The following HSF4 variants were observed in gnomAD, a reference collection of about 807,000 sequenced individuals.
HSF4 encodes heat shock transcription factor 4.
A neutral mutation model predicts 52.0 loss-of-function variants in HSF4; 41 were observed. That is an observed-to-expected ratio of 0.79 (90% CI 0.61 to 1.02). The LOEUF (loss-of-function observed/expected upper bound fraction) is 1.02. HSF4 is among the 50% of genes least tolerant of loss of function. HSF4 has a pLI of 0.00. For missense variants in HSF4, 610 were observed against 651.1 expected (o/e 0.94, Z 0.69); for synonymous variants, 285 against 273.0 (o/e 1.04, Z -0.43).
Position 67,165,429 on chromosome 16 carries a change from GT to G in HSF4, c.124-92del. 1 of 1,155,228 alleles carries G rather than the reference GT, an allele frequency of 8.7e-7. No individual in the cohort carries two copies. Among genetic ancestry groups the G allele is most frequent in the Non-Finnish European group, 1.3e-6 (1 of 767,128 alleles). 71.6% of individuals were successfully genotyped at this position (1,155,228 alleles called of 1,614,324 possible). Reference sequence around the variant, plus strand: ...TGGACCCAAGAGTGAGCATGAGTGTGTGCGCGCGCTGGAGCGCAGGACTGGC... The same window carrying G: ...TGGACCCAAGAGTGAGCATGAGTGTGGCGCGCGCTGGAGCGCAGGACTGGC... On this transcript the variant is annotated intron_variant, in intron 1 of 12. Coordinates refer to ENST00000521374, the MANE Select transcript of HSF4 (RefSeq NM_001374675.1). This position sits in a 1 kb window ranked among gnomAD's most constrained non-coding sequence, Gnocchi z 6.9.
In HSF4 at chr16:67,167,152, C is replaced by T; in HGVS notation, c.659C>T (p.Pro220Leu). 1 of 1,614,194 alleles carries T rather than the reference C, an allele frequency of 6.2e-7. No individual in the cohort carries two copies. The highest frequency in any genetic ancestry group is 8.5e-7 in the Non-Finnish European group (1 of 1,180,012). ...ATGCTGGATGAGGGGAGCTCATGCCCAACACCTGCCAAGTTCAACACCTGC... is the reference window on the plus strand; with the variant it reads ...ATGCTGGATGAGGGGAGCTCATGCCTAACACCTGCCAAGTTCAACACCTGC... ...SLMLDEGSSC[P>L]TPAKFNTCPL... The change falls in exon 7 of 13, where the codon CCA (proline) becomes CTA (leucine). Residue 220 changes from proline to leucine, a missense_variant. Transcript: ENST00000521374.
chr16:67,165,501 G>A lies in HSF4; in HGVS notation c.124-21G>A. The A allele has an allele frequency of 6.2e-7, 1 of 1,606,044 alleles. No homozygotes were observed. Among genetic ancestry groups the A allele is most frequent in the South Asian group, 1.1e-5 (1 of 90,964 alleles). ...CCTCCTGGTCTCCGCCCGCACGGTG[G>A]GCGGGCGGCGTTCTTGGTAGAGCGG... On this transcript the variant is annotated intron_variant, in intron 1 of 12. Coordinates refer to ENST00000521374, the MANE Select transcript of HSF4 (RefSeq NM_001374675.1). This position sits in a 1 kb window ranked among gnomAD's most constrained non-coding sequence, Gnocchi z 6.9.
rs1373517649 is a variant in HSF4 at position 67,169,613 on chromosome 16, C to A, written c.1325-18C>A. ...GGGGGAACATTTCCCCTGGTGAGCG[C>A]AGTCCCACTTCTCCTAGGGAAGGAC... On this transcript the variant is annotated intron_variant, in intron 12 of 12. Transcript: ENST00000521374. This position sits in a 1 kb window ranked among gnomAD's most constrained non-coding sequence, Gnocchi z 4.3. The A allele has an allele frequency of 3.7e-6, 6 of 1,604,174 alleles. No individual in the cohort carries two copies. The highest frequency in any genetic ancestry group is 5.1e-6 in the Non-Finnish European group (6 of 1,179,914).
Position 67,164,787 on chromosome 16 carries a change from C to A in HSF4, c.-25C>A. On this transcript the variant is annotated 5_prime_UTR_variant, in exon 1 of 13. Coordinates refer to ENST00000521374, the MANE Select transcript of HSF4 (RefSeq NM_001374675.1). Reference sequence around the variant, plus strand: ...CGAGCCCGCAGCGGCCGGGCCCGAGCGCAGAGCCGGGCCGAGACTGCACCA... The same window carrying A: ...CGAGCCCGCAGCGGCCGGGCCCGAGAGCAGAGCCGGGCCGAGACTGCACCA... The A allele has an allele frequency of 6.3e-7, 1 of 1,580,034 alleles. No homozygotes were observed. The highest frequency in any genetic ancestry group is 1.1e-5 in the South Asian group (1 of 88,846).
In HSF4 at chr16:67,169,489, C is replaced by G. The variant is rs2031587947; in HGVS notation, c.1324+141C>G. On this transcript the variant is annotated intron_variant, in intron 12 of 12. Coordinates refer to ENST00000521374, the MANE Select transcript of HSF4 (RefSeq NM_001374675.1). This position sits in a 1 kb window ranked among gnomAD's most constrained non-coding sequence, Gnocchi z 4.3. ...CAGAGCGTTCCTTGAGCCACCCATG[C>G]CCTCACCATTGGGCGAGAGTGGGGA... The G allele has an allele frequency of 6.3e-7, 1 of 1,578,476 alleles. No individual in the cohort carries two copies. Among genetic ancestry groups the G allele is most frequent in the African/African-American group, 1.3e-5 (1 of 74,228 alleles).
chr16:67,165,287 A>C lies in HSF4; in HGVS notation c.124-235A>C. 1.7e-6 allele frequency: 1 copy of C among 599,908 alleles called. No individual in the cohort carries two copies. Among genetic ancestry groups the C allele is most frequent in the Non-Finnish European group, 3.0e-6 (1 of 337,330 alleles). The allele number at this position is 599,908 out of a possible 1,614,324, so 37.2% of individuals were successfully genotyped here. A position where few individuals can be genotyped will look rare whatever the true frequency, so the allele number is the denominator to read the frequency against. On this transcript the variant is annotated intron_variant, in intron 1 of 12. Transcript: ENST00000521374. The surrounding 1 kb of genome is among the most constrained non-coding windows in gnomAD (Gnocchi z 6.9). Reference sequence around the variant, plus strand: ...ACCCCGTCAGCCTCTCCTTTCTGAGAACTGAGTATGGAGTCAGGGTCTGGC... The same window carrying C: ...ACCCCGTCAGCCTCTCCTTTCTGAGCACTGAGTATGGAGTCAGGGTCTGGC...
rs1399341716 is a variant in HSF4 at position 67,166,108 on chromosome 16, G to GCCC, written c.485+38_485+39insCCC. On this transcript the variant is annotated intron_variant, in intron 4 of 12. Transcript: ENST00000521374. ...GCGGGGAAAGAGGGGACAGGGGTGG[G>GCCC]GGGTTCGGGATGAGACCATAACTGG... The GCCC allele has an allele frequency of 1.2e-4, 185 of 1,496,484 alleles. 4 individuals carry two copies. The Admixed American group carries it at 3.6e-3, about 29-fold the overall frequency. The allele number at this position is 1,496,484 out of a possible 1,614,324, so 92.7% of individuals were successfully genotyped here. A position where few individuals can be genotyped will look rare whatever the true frequency, so the allele number is the denominator to read the frequency against.
In HSF4 at chr16:67,167,946, A is replaced by G; in HGVS notation, c.1081A>G (p.Arg361Gly). Residue 361 changes from arginine to glycine, a missense_variant and splice_region_variant, in exon 9 of 13, where the codon AGG (arginine) becomes GGG (glycine). Transcript: ENST00000521374. ...EPGDPREIPD[R>G]GPLGLESGDR... ...AGGGGATCCCAGGGAGATACCTGAC[A>G]GGTGAGCAGAGCCCCAGCTGGCCCA... 1 of 1,584,992 alleles carries G rather than the reference A, an allele frequency of 6.3e-7. No homozygotes were observed. Among genetic ancestry groups the G allele is most frequent in the Non-Finnish European group, 8.5e-7 (1 of 1,171,584 alleles).
Position 67,165,577 on chromosome 16 carries a change from C to T in HSF4, c.179C>T (p.Pro60Leu), listed in dbSNP as rs924433364. Residue 60 changes from proline to leucine, a missense_variant, in exon 2 of 13, where the codon CCC (proline) becomes CTC (leucine). By Grantham distance (98) the Pro-to-Leu change is moderately conservative. Coordinates refer to ENST00000521374, the MANE Select transcript of HSF4 (RefSeq NM_001374675.1). The surrounding 1 kb of genome is among the most constrained non-coding windows in gnomAD (Gnocchi z 6.9). ...DQSRFAKEVL[P>L]QYFKHSNMAS... ...AGCCGTTTCGCCAAGGAAGTGCTGC[C>T]CCAGTATTTCAAGCATAGCAACATG... 1 of 1,613,310 alleles carries T rather than the reference C, an allele frequency of 6.2e-7. No homozygotes were observed.
At chr16:67,168,438 T>G (rs2031459361) in intron 9 of HSF4, among the ~76,000 whole-genome samples, 1 of 146,420 alleles carries the variant, frequency 6.8e-6, no homozygotes, top group Non-Finnish European at 1.5e-5. Context: ...AGTGCCATAG[T>G]GACATAGTGG....
In HSF4 at chr16:67,169,874, G is replaced by A; in HGVS notation, c.*89G>A. 2.9e-6 allele frequency: 4 copies of A among 1,399,822 alleles called. No homozygotes were observed. In the South Asian group the frequency reaches 3.5e-5, roughly 12 times the overall value. 86.7% of individuals were successfully genotyped at this position (1,399,822 alleles called of 1,614,324 possible). A position where few individuals can be genotyped will look rare whatever the true frequency, so the allele number is the denominator to read the frequency against. On this transcript the variant is annotated 3_prime_UTR_variant, in exon 13 of 13. Transcript: ENST00000521374. The surrounding 1 kb of genome is among the most constrained non-coding windows in gnomAD (Gnocchi z 4.3). ...GCGCCCCCTATCGGGGGTGAGCGAA[G>A]CCCCCACTACTAAATGGCCTCTCTC...
intron 4 of HSF4, 53 bp from the exon 5 acceptor site, chr16:67,166,267 T>G (rs950680548): frequency 1.2e-4 from 191 of 1,532,726 alleles, no homozygotes; most frequent in Non-Finnish European, 1.7e-4. Context: ...CTGTGGGGGG[T>G]GGTGACTGGG....
rs774716928 is a variant in HSF4, at chr16:67,165,548, C to T, written c.150C>T (p.Asp50=). Residue 50 remains aspartate (D), a synonymous_variant, in exon 2 of 13, where the codon GAC becomes GAT. Transcript: ENST00000521374. The surrounding 1 kb of genome is among the most constrained non-coding windows in gnomAD (Gnocchi z 6.9). Reference sequence around the variant, plus strand: ...GCGGGACCAGTTTCCTCGTAAGCGACCAGAGCCGTTTCGCCAAGGAAGTGC... The same window carrying T: ...GCGGGACCAGTTTCCTCGTAAGCGATCAGAGCCGTTTCGCCAAGGAAGTGC... The part of the protein sequence containing the change: ...SPSGTSFLVS[D]QSRFAKEVLP... The T allele has an allele frequency of 6.2e-7, 1 of 1,613,234 alleles. No homozygotes were observed. Among genetic ancestry groups the T allele is most frequent in the South Asian group, 1.1e-5 (1 of 91,088 alleles).
Position 67,165,768 on chromosome 16 carries a change from G to T in HSF4, c.282G>T (p.Pro94=). The T allele has an allele frequency of 6.2e-7, 1 of 1,610,750 alleles. No homozygotes were observed. The part of the protein sequence containing the change: ...VSIEQGGLLR[P]ERDHVEFQHP... The stretch of plus-strand genomic sequence containing the variant: ...TCGAGCAGGGCGGCCTGCTTAGGCC[G>T]GAGCGCGACCACGTCGAGTTCCAGC... The change falls in exon 3 of 13, where the codon CCG becomes CCT. Residue 94 remains proline, a synonymous_variant. Coordinates refer to ENST00000521374, the MANE Select transcript of HSF4 (RefSeq NM_001374675.1). This position sits in a 1 kb window ranked among gnomAD's most constrained non-coding sequence, Gnocchi z 6.9.
upstream of HSF4, chr16:67,164,291 A>G: frequency 2.6e-6 from 1 of 391,694 alleles, no homozygotes; most frequent in Middle Eastern, 4.4e-4. Context: ...TCTGGACGAC[A>G]CAGCTGCGGG....
In HSF4 at chr16:67,165,456, C is replaced by G. The variant is rs115471631; in HGVS notation, c.124-66C>G. ...GCGCGCGCTGGAGCGCAGGACTGGC[C>G]GTGAGCGGGCACCGCTCACCCTCCT... is the stretch of plus-strand genomic sequence containing the variant. On this transcript the variant is annotated intron_variant, in intron 1 of 12. Transcript: ENST00000521374. This position sits in a 1 kb window ranked among gnomAD's most constrained non-coding sequence, Gnocchi z 6.9. 11,053 of 1,409,102 alleles carry G rather than the reference C, an allele frequency of 7.8e-3. 593 individuals carry two copies. In the African/African-American group the frequency reaches 0.13, roughly 16 times the overall value. The allele number at this position is 1,409,102 out of a possible 1,614,324, so 87.3% of individuals were successfully genotyped here. A position where few individuals can be genotyped will look rare whatever the true frequency, so the allele number is the denominator to read the frequency against.
In HSF4 at chr16:67,165,332, TGGTCGCTCCAGGCTAGGCCTC is replaced by T; in HGVS notation, c.124-187_124-167del. ...TCTGGCTGGGGGTAGGGACTCACTG[TGGTCGCTCCAGGCTAGGCCTC>T]GGAGCCCGTTCTGGCCTGGCCTCGA... On this transcript the variant is annotated intron_variant, in intron 1 of 12. Coordinates refer to ENST00000521374, the MANE Select transcript of HSF4 (RefSeq NM_001374675.1). This position sits in a 1 kb window ranked among gnomAD's most constrained non-coding sequence, Gnocchi z 6.9. 1 of 623,746 alleles carries T rather than the reference TGGTCGCTCCAGGCTAGGCCTC, an allele frequency of 1.6e-6. No individual in the cohort carries two copies. Among genetic ancestry groups the T allele is most frequent in the Non-Finnish European group, 2.8e-6 (1 of 352,522 alleles). The allele number at this position is 623,746 out of a possible 1,614,324, so 38.6% of individuals were successfully genotyped here.
chr16:67,164,229 C>T (rs2031071090), upstream of HSF4: 1 of 448,354 alleles, frequency 2.2e-6, no homozygotes. Context: ...ACAGGGAACG[C>T]GCGGGGTACC....
upstream of HSF4, chr16:67,163,857 G>A (rs754228472): frequency 2.7e-6 from 4 of 1,498,134 alleles, no homozygotes; most frequent in East Asian, 9.4e-5. Flanking sequence ...GTGGACGTAA[G>A]CGCTCTGAGA....
Sources: gnomAD v4.1 joint callset for allele counts (sites outside exome capture counted in the v4.1 genomes callset) on GRCh38, gnomAD v4.1.1 for gene constraint, Gnocchi (gnomAD v3.1) non-coding constraint, MANE v1.5 for transcripts, NCBI Gene and HGNC (gene_info 2026-07-23, HGNC 2026-07-21) for gene names.